Variants in KIAA1217 observed in about 807,000 individuals in gnomAD.
KIAA1217 encodes the protein KIAA1217.
KIAA1217 carries 88 observed loss-of-function variants against 163.9 expected under a neutral mutation model. That is an observed-to-expected ratio of 0.54 (90% CI 0.45 to 0.64). KIAA1217 has a LOEUF of 0.64. Among genes scored for constraint, KIAA1217 ranks in the 30% least tolerant of loss-of-function variants. The probability of loss-of-function intolerance (pLI) is 0.00; values close to 1 mark genes in which losing one functional copy is unlikely to be tolerated. For synonymous variants in KIAA1217, 903 were observed against 923.1 expected (o/e 0.98, Z 0.39); for missense variants, 2,372 against 2,475.0 (o/e 0.96, Z 0.88).
chr10:23,756,063 C>T (rs1833904939), intron 1 of KIAA1217, among the ~76,000 whole-genome samples: 1 of 151,576 alleles, frequency 6.6e-6, no homozygotes, highest in South Asian at 2.1e-4. Flanking sequence ...ATCAAGGGAT[C>T]TTCCCACTTC....
chr10:23,882,897 T>G (rs1170349307), intron 1 of KIAA1217, among the ~76,000 whole-genome samples: 1 of 151,874 alleles, frequency 6.6e-6, no homozygotes, highest in Non-Finnish European at 1.5e-5. Flanking sequence ...AATTAGAAAA[T>G]AGTTCACAAA....
chr10:24,427,192 G>A (rs116597896), intron 3 of KIAA1217, among the ~76,000 whole-genome samples: 2,746 of 152,038 alleles, frequency 0.018, 90 homozygotes, highest in African/African-American at 0.063. Context: ...TTCAGAGCTC[G>A]GCACCTCCCC....
At chr10:23,914,663 A>T (rs184885378) in intron 1 of KIAA1217, among the ~76,000 whole-genome samples, 1 of 152,138 alleles carries the variant, frequency 6.6e-6, no homozygotes, top group African/African-American at 2.4e-5. Context: ...GGCTCTATGC[A>T]CATAACAGGA....
intron 2 of KIAA1217, among the ~76,000 whole-genome samples, chr10:24,068,584 C>A (rs1294496460): frequency 6.6e-6 from 1 of 152,298 alleles, no homozygotes; most frequent in East Asian, 1.9e-4. Flanking sequence ...GCCCAGTCTT[C>A]ATGGACAAGA....
intron 1 of KIAA1217, among the ~76,000 whole-genome samples, chr10:23,959,504 A>G (rs1844725039): frequency 6.6e-6 from 1 of 152,196 alleles, no homozygotes; most frequent in African/African-American, 2.4e-5. Context: ...ACAGAGTGAG[A>G]CCTTGTCTCT....
chr10:24,177,275 A>ATATATG (rs2131937386), intron 2 of KIAA1217, among the ~76,000 whole-genome samples: 1 of 100,112 alleles, frequency 1.0e-5, no homozygotes, highest in East Asian at 2.7e-4. Context: ...ATATATATAT[A>ATATATG]TATATATATA....
chr10:23,774,163 G>A (rs1834914283), intron 1 of KIAA1217, among the ~76,000 whole-genome samples: 1 of 152,104 alleles, frequency 6.6e-6, no homozygotes, highest in Admixed American at 6.5e-5. Flanking sequence ...AAGTCCATTA[G>A]GGAAGGAAGA....
At chr10:24,456,802 A>G (rs1465639717) in intron 5 of KIAA1217, among the ~76,000 whole-genome samples, 1 of 151,196 alleles carries the variant, frequency 6.6e-6, no homozygotes, top group Non-Finnish European at 1.5e-5. Context: ...TCCCAGGTTC[A>G]AGTGATTCTC....
At chr10:24,000,853 G>A (rs1185286036) in intron 1 of KIAA1217, among the ~76,000 whole-genome samples, 8 of 152,230 alleles carry the variant, frequency 5.3e-5, no homozygotes, top group Non-Finnish European at 1.0e-4. Context: ...CCTCCTGTGT[G>A]TTCAAATGGG....
intron 1 of KIAA1217, among the ~76,000 whole-genome samples, chr10:23,981,596 A>G (rs1025976451): frequency 6.6e-6 from 1 of 152,328 alleles, no homozygotes; most frequent in Admixed American, 6.5e-5. Context: ...AAGGATTACA[A>G]CATTAATTTT....
chr10:24,266,358 C>A (rs887944176), intron 2 of KIAA1217, among the ~76,000 whole-genome samples: 2 of 152,168 alleles, frequency 1.3e-5, no homozygotes, highest in Non-Finnish European at 2.9e-5. Flanking sequence ...CAATTACAGG[C>A]GTGAGCCACC....
intron 2 of KIAA1217, among the ~76,000 whole-genome samples, chr10:24,120,728 G>C (rs760070271): frequency 1.3e-5 from 2 of 152,200 alleles, no homozygotes; most frequent in Non-Finnish European, 1.5e-5. Context: ...AATGGAAATT[G>C]TATTGCTGAA....
chr10:24,449,498 G>T, intron 5 of KIAA1217: 4 of 985,242 alleles, frequency 4.1e-6, no homozygotes, highest in Non-Finnish European at 4.8e-6. Flanking sequence ...TCCGGGACAG[G>T]AAAAATGCCT....
At chr10:24,395,873 G>T (rs1259122287) in intron 3 of KIAA1217, among the ~76,000 whole-genome samples, 1 of 151,978 alleles carries the variant, frequency 6.6e-6, no homozygotes, top group African/African-American at 2.4e-5. Context: ...GTAGGGACGG[G>T]GGTCTCACGA....
At chr10:24,442,709 T>C (rs935998007) in intron 5 of KIAA1217, among the ~76,000 whole-genome samples, 18 of 152,098 alleles carry the variant, frequency 1.2e-4, no homozygotes, top group African/African-American at 2.7e-4. Context: ...TTTTGGGGAA[T>C]GTGGGAGGAG....
intron 2 of KIAA1217, among the ~76,000 whole-genome samples, chr10:24,220,710 TC>T (rs1278430830): frequency 3.4e-5 from 5 of 146,810 alleles, no homozygotes; most frequent in African/African-American, 1.3e-4. Context: ...CACCTCAGCC[TC>T]CCAAAGTGCT....
At chr10:24,472,655 C>G (rs2063653637) in intron 5 of KIAA1217, among the ~76,000 whole-genome samples, 1 of 152,204 alleles carries the variant, frequency 6.6e-6, no homozygotes, top group Non-Finnish European at 1.5e-5. Flanking sequence ...CACTCTCCAT[C>G]AGGTGTATTC....
At chr10:23,742,000 T>C (rs1839146075) in intron 1 of KIAA1217, among the ~76,000 whole-genome samples, 1 of 152,094 alleles carries the variant, frequency 6.6e-6, no homozygotes, top group Admixed American at 6.5e-5. Flanking sequence ...AAACCATCAC[T>C]CAATGCTCTA....
At chr10:24,412,970 T>A (rs60041287) in intron 3 of KIAA1217, among the ~76,000 whole-genome samples, 7,111 of 152,314 alleles carry the variant, frequency 0.047, 219 homozygotes, top group South Asian at 0.11. Flanking sequence ...CTAGTTGCTC[T>A]CAACAAAACC....
Sources: gnomAD v4.1 joint callset for allele counts (sites outside exome capture counted in the v4.1 genomes callset) on GRCh38, gnomAD v4.1.1 for gene constraint, MANE v1.5 for transcripts, NCBI Gene and HGNC (gene_info 2026-07-23, HGNC 2026-07-21) for gene names.